ABHD12: variants seen among roughly 807,000 people sequenced by gnomAD.
ABHD12 encodes the protein abhydrolase domain containing 12, lysophospholipase.
In ABHD12, 43 loss-of-function variants were observed where a neutral mutation model predicts 58.3. The observed-to-expected ratio is 0.74, with a 90% CI of 0.58 to 0.95. The LOEUF (loss-of-function observed/expected upper bound fraction) is 0.95, where lower values mean the gene tolerates loss of function less well. Among genes scored for constraint, ABHD12 ranks in the 40% least tolerant of loss-of-function variants. ABHD12 has a pLI of 0.00. For synonymous variants in ABHD12, 219 were observed against 211.2 expected, an observed-to-expected ratio of 1.04 and a Z score of -0.32; for missense variants, 539 against 537.2, an observed-to-expected ratio of 1.00 and a Z score of -0.03.
At position 25,300,566 on chromosome 20, in the gene ABHD12, C is replaced by T; in HGVS notation, c.*279G>A. 1 of 1,410,262 alleles carries T rather than the reference C, an allele frequency of 7.1e-7. No individual in the cohort carries two copies. The highest frequency in any genetic ancestry group is 9.2e-7 in the Non-Finnish European group (1 of 1,084,694). 87.4% of individuals were successfully genotyped at this position (1,410,262 alleles called of 1,614,324 possible). On this transcript the variant is annotated 3_prime_UTR_variant, in exon 13 of 13. Coordinates refer to ENST00000339157, the MANE Select transcript of ABHD12 (RefSeq NM_001042472.3). The stretch of plus-strand genomic sequence containing the variant: ...GCATCAAGCAGGCAGTGATGGCTGC[C>T]TGCTGCCATTAAGTCTCCCAACAAG...
chr20:25,351,006 CA>C (rs1568751680), intron 1 of ABHD12, among the ~76,000 whole-genome samples: 147 of 130,344 alleles, frequency 1.1e-3, no homozygotes, highest in East Asian at 2.0e-3. Flanking sequence ...CACACACACA[CA>C]CACCCTTATT....
chr20:25,306,182 A>C (rs1365509591), intron 10 of ABHD12, among the ~76,000 whole-genome samples: 1 of 28,556 alleles, frequency 3.5e-5, no homozygotes, highest in Non-Finnish European at 7.8e-5. Context: ...AACAAAAACA[A>C]AAAAAAAAAA....
chr20:25,352,689 G>A (rs531597209), intron 1 of ABHD12, among the ~76,000 whole-genome samples: 6 of 152,234 alleles, frequency 3.9e-5, no homozygotes, highest in East Asian at 1.9e-4. Context: ...CTTGAAAAGC[G>A]TATCTATTTA....
intron 7 of ABHD12, 24 bp from the exon 8 acceptor site, chr20:25,308,518 A>T (rs1412650259): frequency 5.0e-6 from 8 of 1,601,420 alleles, no homozygotes; most frequent in African/African-American, 4.0e-5. Flanking sequence ...AAAACAGCTT[A>T]GTTGAGTTAT....
chr20:25,384,913 A>C (rs1209955436), intron 1 of ABHD12, among the ~76,000 whole-genome samples: 2 of 152,194 alleles, frequency 1.3e-5, no homozygotes, highest in Non-Finnish European at 2.9e-5. Context: ...AGCATCCCCC[A>C]GAACTAAAAA....
intron 2 of ABHD12, among the ~76,000 whole-genome samples, chr20:25,335,062 A>T (rs2089340605): frequency 2.7e-5 from 4 of 150,906 alleles, no homozygotes; most frequent in Admixed American, 2.6e-4. Context: ...CTCATCTGAC[A>T]AAGGGCTAAT....
Position 25,320,050 on chromosome 20 carries a change from A to G in ABHD12, c.542+149T>C. On this transcript the variant is annotated intron_variant, in intron 4 of 12. Coordinates refer to ENST00000339157, the MANE Select transcript of ABHD12 (RefSeq NM_001042472.3). ...CTCTGCCTTTCCCTTCGTTCTTGGG[A>G]GGCTCTCCCTCATTGCAGTGGGTCA... 2.8e-6 allele frequency: 3 copies of G among 1,086,034 alleles called. No individual in the cohort carries two copies. The African/African-American group carries it at 4.7e-5, about 17-fold the overall frequency. The allele number at this position is 1,086,034 out of a possible 1,614,324, so 67.3% of individuals were successfully genotyped here. A position where few individuals can be genotyped will look rare whatever the true frequency, so the allele number is the denominator to read the frequency against.
At chr20:25,311,759 C>G in intron 6 of ABHD12, among the ~76,000 whole-genome samples, 1 of 152,154 alleles carries the variant, frequency 6.6e-6, no homozygotes, top group Non-Finnish European at 1.5e-5. Flanking sequence ...GGCTGGAGTG[C>G]GGTGGCATGA....
chr20:25,309,178 C>A (rs1366633319), intron 7 of ABHD12, among the ~76,000 whole-genome samples: 6 of 152,172 alleles, frequency 3.9e-5, no homozygotes, highest in Non-Finnish European at 5.9e-5. Context: ...GAAGACGCTT[C>A]TTCCTCAGAG....
chr20:25,390,477 G>GGCCCCCCCCCCCCC, intron 1 of ABHD12, 36 bp downstream of exon 1: 1 of 98,516 alleles, frequency 1.0e-5, no homozygotes, highest in Non-Finnish European at 1.3e-5. Context: ...TGAGGGACCG[G>GGCCCCCCCCCCCCC]CCCCCCCCCC....
chr20:25,328,491 T>C (rs1028051155), intron 2 of ABHD12, among the ~76,000 whole-genome samples: 1 of 152,216 alleles, frequency 6.6e-6, no homozygotes, highest in Non-Finnish European at 1.5e-5. Context: ...TGGGCACCAC[T>C]GAGGGCCGAG....
At chr20:25,358,520 A>C (rs1462531830) in intron 1 of ABHD12, among the ~76,000 whole-genome samples, 1 of 152,160 alleles carries the variant, frequency 6.6e-6, no homozygotes, top group Non-Finnish European at 1.5e-5. Context: ...ACTGGTCTGC[A>C]TTTTATCCCT....
chr20:25,390,777 C>A lies in ABHD12; in HGVS notation c.-74G>T. 1 of 1,037,390 alleles carries A rather than the reference C, an allele frequency of 9.6e-7. No individual in the cohort carries two copies. The highest frequency in any genetic ancestry group is 1.2e-6 in the Non-Finnish European group (1 of 821,076). The allele number at this position is 1,037,390 out of a possible 1,614,324, so 64.3% of individuals were successfully genotyped here. On this transcript the variant is annotated 5_prime_UTR_variant, in exon 1 of 13. Coordinates refer to ENST00000339157, the MANE Select transcript of ABHD12 (RefSeq NM_001042472.3). ...GCAGTGCCGCCGCTCACAGCCGCCG[C>A]CACCCAGAGCCCGGAGCCCGGAACC... is the stretch of plus-strand genomic sequence containing the variant.
rs1381782454 is a variant in ABHD12, at chr20:25,300,835, A to C, written c.*10T>G. The C allele has an allele frequency of 6.2e-7, 1 of 1,614,030 alleles. No homozygotes were observed. Among genetic ancestry groups the C allele is most frequent in the Non-Finnish European group, 8.5e-7 (1 of 1,179,972 alleles). ...GCAGAGGTCTTCATGCTTCCTTCCC[A>C]CGGCCAGGCTCAGTGCTGGTGCTCA... On this transcript the variant is annotated 3_prime_UTR_variant, in exon 13 of 13. Coordinates refer to ENST00000339157, the MANE Select transcript of ABHD12 (RefSeq NM_001042472.3).
chr20:25,358,752 AC>A, intron 1 of ABHD12, among the ~76,000 whole-genome samples: 1 of 151,898 alleles, frequency 6.6e-6, no homozygotes, highest in Non-Finnish European at 1.5e-5. Context: ...CATATCGGCC[AC>A]CCCCCAGAAC....
intron 7 of ABHD12, 45 bp downstream of exon 7, chr20:25,309,401 A>T (rs1403294752): frequency 1.2e-6 from 2 of 1,613,032 alleles, no homozygotes; most frequent in Non-Finnish European, 1.7e-6. Flanking sequence ...AGTCACCAGG[A>T]ATACTGACTC....
chr20:25,334,761 G>A, intron 2 of ABHD12, among the ~76,000 whole-genome samples: 1 of 149,338 alleles, frequency 6.7e-6, no homozygotes. Context: ...TATGTAGAAA[G>A]CTGAAACTGG....
At chr20:25,302,432 CAA>C (rs2088654491) in intron 11 of ABHD12, 86 bp from the exon 12 acceptor site, 1 of 1,550,088 alleles carries the variant, frequency 6.5e-7, no homozygotes, top group Non-Finnish European at 8.8e-7. Context: ...GCCTCCCCTT[CAA>C]TAGAAACCAG....
At chr20:25,339,194 A>C in intron 2 of ABHD12, 33 bp downstream of exon 2, 1 of 1,613,632 alleles carries the variant, frequency 6.2e-7, no homozygotes. Flanking sequence ...ACCCTTACTA[A>C]AATTAAAGGA....
Sources: allele counts gnomAD v4.1 joint callset (sites outside exome capture counted in the v4.1 genomes callset), GRCh38; gene constraint gnomAD v4.1.1; transcripts MANE v1.5; gene names NCBI Gene and HGNC (gene_info 2026-07-23, HGNC 2026-07-21).